The following OPTN variants were observed in gnomAD, a reference collection of about 807,000 sequenced individuals.
OPTN encodes optineurin.
OPTN carries 54 observed loss-of-function variants against 70.4 expected under a neutral mutation model. The ratio of observed to expected loss-of-function variants is 0.77; its 90% CI spans 0.62 to 0.96. The LOEUF is 0.96. OPTN is among the 40% of genes least tolerant of loss of function. The pLI is 0.00. For synonymous variants in OPTN, 256 were observed against 248.5 expected, an observed-to-expected ratio of 1.03 and a Z score of -0.28; for missense variants, 624 against 673.2, an observed-to-expected ratio of 0.93 and a Z score of 0.81.
chr10:13,126,709 T>G (rs1256205508), intron 11 of OPTN, among the ~76,000 whole-genome samples: 1 of 152,146 alleles, frequency 6.6e-6, no homozygotes, highest in Non-Finnish European at 1.5e-5. Context: ...TTTGGGACCC[T>G]GGAATCATCA....
chr10:13,123,669 T>C (rs1447629250), intron 8 of OPTN, among the ~76,000 whole-genome samples: 1 of 152,224 alleles, frequency 6.6e-6, no homozygotes, highest in African/African-American at 2.4e-5. Context: ...TAGATAGGAC[T>C]GTGCTTTGAC....
At chr10:13,104,258 T>C (rs1035724853) in intron 1 of OPTN, among the ~76,000 whole-genome samples, 75 of 71,918 alleles carry the variant, frequency 1.0e-3, no homozygotes, top group Non-Finnish European at 2.2e-3. Flanking sequence ...TTTTTTCTTT[T>C]TTTTTTTTTT....
rs763186920 is a variant in OPTN, at chr10:13,124,149, T to C, written c.998+39T>C. 6 of 1,191,392 alleles carry C rather than the reference T, an allele frequency of 5.0e-6. No individual in the cohort carries two copies. In the Admixed American group the frequency reaches 9.3e-5, roughly 19 times the overall value. 73.8% of individuals were successfully genotyped at this position (1,191,392 alleles called of 1,614,324 possible). ...AGCAATTTTATCCTCCTTTGAAATA[T>C]ACATTTTTACAAAGTATACTACTAT... On this transcript the variant is annotated intron_variant, in intron 9 of 14. Coordinates refer to ENST00000378747, the MANE Select transcript of OPTN (RefSeq NM_001008212.2).
At chr10:13,114,735 G>A (rs1191001840) in intron 5 of OPTN, among the ~76,000 whole-genome samples, 1 of 98,732 alleles carries the variant, frequency 1.0e-5, no homozygotes, top group Non-Finnish European at 2.1e-5. Flanking sequence ...ATATAATGTA[G>A]AATATATTCT....
intron 1 of OPTN, among the ~76,000 whole-genome samples, chr10:13,105,657 C>A (rs939004463): frequency 6.6e-6 from 1 of 152,128 alleles, no homozygotes; most frequent in African/African-American, 2.4e-5. Flanking sequence ...GCCTGTAATT[C>A]CAGCACTTTG....
chr10:13,108,825 C>T (rs773502822), intron 2 of OPTN: 6 of 383,886 alleles, frequency 1.6e-5, no homozygotes, highest in East Asian at 6.0e-5. Context: ...GGATTACAGG[C>T]GTGAGCCACC....
At chr10:13,110,746 G>A (rs910245487) in intron 4 of OPTN, among the ~76,000 whole-genome samples, 10 of 152,154 alleles carry the variant, frequency 6.6e-5, no homozygotes, top group African/African-American at 2.4e-4. Flanking sequence ...TCATTGTATT[G>A]TATTCATTAT....
chr10:13,122,421 T>G lies in OPTN; in HGVS notation c.816T>G (p.Ser272=). Residue 272 remains serine, a synonymous_variant, in exon 8 of 15, where the codon TCT becomes TCG. Transcript: ENST00000378747. ...TTGAAAAGAAAACAAGTAATCGTTC[T>G]GAGATTGAAACCCAGACAGAGGGGA... ...SDFEKKTSNR[S]EIETQTEGST... The G allele has an allele frequency of 6.2e-7, 1 of 1,613,970 alleles. No individual in the cohort carries two copies. The highest frequency in any genetic ancestry group is 8.5e-7 in the Non-Finnish European group (1 of 1,179,866).
intron 1 of OPTN, chr10:13,104,747 G>T: frequency 1.5e-6 from 1 of 667,328 alleles, no homozygotes; most frequent in Non-Finnish European, 2.8e-6. Context: ...TAATTTCAAT[G>T]ATAACTTCTT....
At chr10:13,118,402 A>G (rs1038439766) in intron 6 of OPTN, among the ~76,000 whole-genome samples, 2 of 152,210 alleles carry the variant, frequency 1.3e-5, no homozygotes, top group Non-Finnish European at 2.9e-5. Flanking sequence ...CTCTGCTCTC[A>G]TTATTTGAAA....
rs551117395 is a variant in OPTN at position 13,119,121 on chromosome 10, C to A, written c.779+81C>A. 8 of 1,252,188 alleles carry A rather than the reference C, an allele frequency of 6.4e-6. No individual in the cohort carries two copies. The East Asian group carries it at 1.5e-4, about 23-fold the overall frequency. The allele number at this position is 1,252,188 out of a possible 1,614,324, so 77.6% of individuals were successfully genotyped here. A position where few individuals can be genotyped will look rare whatever the true frequency, so the allele number is the denominator to read the frequency against. On this transcript the variant is annotated intron_variant, in intron 7 of 14. Transcript: ENST00000378747. Reference sequence around the variant, plus strand: ...ATAATTAAGATACCATACAGTTCACCCATTTAAAGTATACATTTCAGTGTT... The same window carrying A: ...ATAATTAAGATACCATACAGTTCACACATTTAAAGTATACATTTCAGTGTT...
intron 10 of OPTN, 49 bp downstream of exon 10, chr10:13,125,616 T>G (rs750866729): frequency 1.9e-5 from 30 of 1,607,816 alleles, no homozygotes; most frequent in African/African-American, 4.0e-5. Flanking sequence ...GGAGGGAGAA[T>G]CGCCTTTTTA....
chr10:13,133,878 G>A (rs772733247), intron 14 of OPTN, among the ~76,000 whole-genome samples: 3 of 151,742 alleles, frequency 2.0e-5, no homozygotes, highest in African/African-American at 4.8e-5. Context: ...GCGAGATCTC[G>A]GCTCACTGCA....
intron 14 of OPTN, among the ~76,000 whole-genome samples, chr10:13,134,693 G>C (rs569843443): frequency 6.6e-6 from 1 of 152,158 alleles, no homozygotes; most frequent in South Asian, 2.1e-4. Context: ...CTCCCAAAGT[G>C]CTGGGATTAC....
chr10:13,131,951 A>C, intron 12 of OPTN, 116 bp from the exon 13 acceptor site: 2 of 984,228 alleles, frequency 2.0e-6, no homozygotes, highest in Non-Finnish European at 3.2e-6. Flanking sequence ...AGGATTGTGC[A>C]TCTGTGATTC....
chr10:13,122,762 C>T (rs913819706), intron 8 of OPTN: 19 of 370,438 alleles, frequency 5.1e-5, no homozygotes, highest in Non-Finnish European at 8.3e-5. Flanking sequence ...CTGCAACCTC[C>T]GCCTCCCAGG....
At chr10:13,131,093 G>C (rs994515868) in intron 12 of OPTN, among the ~76,000 whole-genome samples, 1 of 151,970 alleles carries the variant, frequency 6.6e-6, no homozygotes, top group Non-Finnish European at 1.5e-5. Context: ...CTGATTTTTT[G>C]TATTTTTAGT....
chr10:13,114,669 A>G (rs540679849), intron 5 of OPTN, among the ~76,000 whole-genome samples: 1 of 145,500 alleles, frequency 6.9e-6, no homozygotes, highest in African/African-American at 2.5e-5. Context: ...TATGTTTTTT[A>G]TAATAGATAT....
At chr10:13,112,996 G>C (rs1833042072) in intron 5 of OPTN, among the ~76,000 whole-genome samples, 1 of 151,990 alleles carries the variant, frequency 6.6e-6, no homozygotes. Context: ...TCACTTAAGG[G>C]AGCGCAAACA....
Sources: allele counts gnomAD v4.1 joint callset (sites outside exome capture counted in the v4.1 genomes callset), GRCh38; gene constraint gnomAD v4.1.1; transcripts MANE v1.5; gene names NCBI Gene and HGNC (gene_info 2026-07-23, HGNC 2026-07-21).